Variants in MAOA observed in about 807,000 individuals in gnomAD.
MAOA encodes the protein monoamine oxidase A.
A neutral mutation model predicts 42.0 loss-of-function variants in MAOA; 6 were observed. The observed-to-expected ratio is 0.14, with a 90% CI of 0.08 to 0.28. The LOEUF (loss-of-function observed/expected upper bound fraction) is 0.28, where lower values mean the gene tolerates loss of function less well. Ranked by LOEUF, MAOA falls within the 10% of genes least tolerant of loss-of-function variation. The pLI is 1.00. For synonymous variants in MAOA, 140 were observed against 154.0 expected, an observed-to-expected ratio of 0.91 and a Z score of 0.67; for missense variants, 262 against 422.3, an observed-to-expected ratio of 0.62 and a Z score of 3.33.
intron 1 of MAOA, among the ~76,000 whole-genome samples, chrX:43,683,077 G>A (rs758636813): frequency 1.8e-5 from 2 of 111,497 alleles, no homozygotes; most frequent in Non-Finnish European, 3.8e-5. Context: ...GGATTTTTAA[G>A]TTGAGAAAAG....
At chrX:43,700,527 C>T (rs1172550614) in intron 3 of MAOA, among the ~76,000 whole-genome samples, 1 of 111,798 alleles carries the variant, frequency 8.9e-6, no homozygotes, top group Non-Finnish European at 1.9e-5. Context: ...GGCACGGTGG[C>T]TTCTCTTCTC....
At position 43,724,149 on chromosome X, in the gene MAOA, G is replaced by A. The variant is rs748039674; in HGVS notation, c.504-4024G>A. Reference sequence around the variant, plus strand: ...TATTGGCCTGAAATTCTCTTTTTTTGTTGTGTCTCTGCCAGGTTTTGGTAT... The same window carrying A: ...TATTGGCCTGAAATTCTCTTTTTTTATTGTGTCTCTGCCAGGTTTTGGTAT... On this transcript the variant is annotated intron_variant, in intron 5 of 14. Coordinates refer to ENST00000338702, the MANE Select transcript of MAOA (RefSeq NM_000240.4). 9.0e-5 allele frequency among the ~76,000 whole-genome samples: 10 copies of A among 111,378 alleles called. No individual in the cohort carries two copies. In the South Asian group the frequency reaches 3.8e-3, roughly 42 times the overall value.
In MAOA at chrX:43,711,961, T is replaced by C; in HGVS notation, c.396T>C (p.Asp132=). 3 of 1,190,674 alleles carry C rather than the reference T, an allele frequency of 2.5e-6. No individual in the cohort carries two copies. Among genetic ancestry groups the C allele is most frequent in the Non-Finnish European group, 2.3e-6 (2 of 876,488 alleles). ...LDYNNLWRTI[D]NMGKEIPTDA... Reference sequence around the variant, plus strand: ...ACAATAATCTGTGGAGGACAATAGATAACATGGGGAAGGAGGTAAAATGTG... The same window carrying C: ...ACAATAATCTGTGGAGGACAATAGACAACATGGGGAAGGAGGTAAAATGTG... Residue 132 remains aspartate, a synonymous_variant, in exon 4 of 15, where the codon GAT becomes GAC. Transcript: ENST00000338702.
Position 43,687,201 on chromosome X carries a change from A to G in MAOA, c.168+3594A>G, listed in dbSNP as rs776167313. Among the ~76,000 whole-genome samples the G allele has an allele frequency of 4.4e-5, 5 of 112,498 alleles. No homozygotes were observed. In the East Asian group the frequency reaches 1.1e-3, roughly 25 times the overall value. On this transcript the variant is annotated intron_variant, in intron 2 of 14. Transcript: ENST00000338702. The stretch of plus-strand genomic sequence containing the variant: ...CCCAAAGACTGAGGTGCAACACAGT[A>G]GAATACAGTGTTACCGCTTCTAGTG...
At chrX:43,676,485 A>G (rs2147077744) in intron 1 of MAOA, among the ~76,000 whole-genome samples, 1 of 111,389 alleles carries the variant, frequency 9.0e-6, no homozygotes, top group Admixed American at 9.6e-5. Flanking sequence ...CTCCCTAGTG[A>G]GATGAACCCA....
intron 3 of MAOA, among the ~76,000 whole-genome samples, chrX:43,698,918 C>T (rs2033600845): frequency 9.0e-6 from 1 of 111,570 alleles, no homozygotes; most frequent in South Asian, 3.7e-4. Flanking sequence ...ATGGCATCAG[C>T]TAGATATTTT....
chrX:43,722,029 T>C (rs779123414), intron 5 of MAOA, among the ~76,000 whole-genome samples: 2 of 112,096 alleles, frequency 1.8e-5, no homozygotes. Context: ...TCATCCTTTT[T>C]TTATGGCTGC....
chrX:43,667,125 A>G (rs953508793), intron 1 of MAOA, among the ~76,000 whole-genome samples: 2 of 110,425 alleles, frequency 1.8e-5, no homozygotes, highest in African/African-American at 6.6e-5. Context: ...TGTACCCTAG[A>G]ACTTAAAGTA....
At chrX:43,674,383 G>A (rs1415486097) in intron 1 of MAOA, among the ~76,000 whole-genome samples, 2 of 110,703 alleles carry the variant, frequency 1.8e-5, no homozygotes, top group African/African-American at 3.3e-5. Flanking sequence ...ACACTGATGG[G>A]TCTTGACTCT....
chrX:43,736,482 G>A (rs775208170), intron 10 of MAOA, among the ~76,000 whole-genome samples: 1 of 111,386 alleles, frequency 9.0e-6, no homozygotes, highest in South Asian at 3.8e-4. Context: ...ACATGTTCGT[G>A]TTTATTTTAC....
chrX:43,689,853 T>C (rs2033518731), intron 2 of MAOA, among the ~76,000 whole-genome samples: 1 of 111,285 alleles, frequency 9.0e-6, no homozygotes, highest in East Asian at 2.8e-4. Flanking sequence ...TTCTAACAGG[T>C]AACAAATTCT....
upstream of MAOA, chrX:43,656,276 G>C (rs978240839): frequency 2.9e-6 from 3 of 1,027,835 alleles, no homozygotes; most frequent in African/African-American, 5.6e-5. Context: ...GTTGATAGAA[G>C]GGTCCTTCCC....
chrX:43,690,705 G>A (rs771260340), intron 2 of MAOA, among the ~76,000 whole-genome samples: 1 of 111,131 alleles, frequency 9.0e-6, no homozygotes, highest in East Asian at 2.8e-4. Flanking sequence ...ATATCATATG[G>A]ATAGCTTAAA....
intron 5 of MAOA, among the ~76,000 whole-genome samples, chrX:43,725,553 GC>G (rs1202213360): frequency 9.1e-6 from 1 of 109,585 alleles, no homozygotes; most frequent in African/African-American, 3.3e-5. Flanking sequence ...TTTATTTTGA[GC>G]CTATGTGTGT....
At chrX:43,722,212 G>A (rs1371767338) in intron 5 of MAOA, among the ~76,000 whole-genome samples, 1 of 112,078 alleles carries the variant, frequency 8.9e-6, no homozygotes, top group Non-Finnish European at 1.9e-5. Context: ...ACCCAGTAAT[G>A]GGATTACTGT....
At chrX:43,692,748 A>G (rs1428548311) in intron 2 of MAOA, among the ~76,000 whole-genome samples, 1 of 112,001 alleles carries the variant, frequency 8.9e-6, no homozygotes, top group African/African-American at 3.2e-5. Flanking sequence ...GAAGTAAACA[A>G]TTTTAGTTTA....
chrX:43,711,262 C>T (rs1321077568), intron 3 of MAOA, among the ~76,000 whole-genome samples: 1 of 112,155 alleles, frequency 8.9e-6, no homozygotes, highest in East Asian at 2.8e-4. Flanking sequence ...CAGAAAGAAA[C>T]CAGGATACTA....
chrX:43,690,214 C>G (rs183137123), intron 2 of MAOA, among the ~76,000 whole-genome samples: 160 of 109,457 alleles, frequency 1.5e-3, no homozygotes, highest in African/African-American at 4.7e-3. Flanking sequence ...TTAACTACCT[C>G]CTCAACATAT....
intron 6 of MAOA, among the ~76,000 whole-genome samples, chrX:43,730,410 A>G (rs1161397096): frequency 9.1e-6 from 1 of 109,572 alleles, no homozygotes; most frequent in Non-Finnish European, 1.9e-5. Flanking sequence ...GCAGATGCTT[A>G]GCCTTCACCC....
Sources: gnomAD v4.1 joint callset for allele counts (sites outside exome capture counted in the v4.1 genomes callset) on GRCh38, gnomAD v4.1.1 for gene constraint, MANE v1.5 for transcripts, NCBI Gene and HGNC (gene_info 2026-07-23, HGNC 2026-07-21) for gene names.